Variants in QSOX2 observed in about 807,000 individuals in gnomAD.
The protein encoded by QSOX2 is quiescin sulfhydryl oxidase 2.
A neutral mutation model predicts 61.7 loss-of-function variants in QSOX2; 46 were observed. The observed-to-expected ratio is 0.75, with a 90% CI of 0.59 to 0.95. The LOEUF (loss-of-function observed/expected upper bound fraction) is 0.95. Among genes scored for constraint, QSOX2 ranks in the 40% least tolerant of loss-of-function variants. The probability of loss-of-function intolerance (pLI) is 0.00; values close to 1 mark genes in which losing one functional copy is unlikely to be tolerated. For synonymous variants in QSOX2, 383 were observed against 388.4 expected, an observed-to-expected ratio of 0.99 and a Z score of 0.16; for missense variants, 879 against 918.9, an observed-to-expected ratio of 0.96 and a Z score of 0.56.
At chr9:136,234,328 G>T (rs757933140) in intron 1 of QSOX2, among the ~76,000 whole-genome samples, 2 of 152,148 alleles carry the variant, frequency 1.3e-5, no homozygotes, top group Non-Finnish European at 2.9e-5. Context: ...TTGGGGAGTC[G>T]CAGGTTATAT....
At chr9:136,227,143 C>T (rs921387216) in intron 1 of QSOX2, among the ~76,000 whole-genome samples, 2 of 152,238 alleles carry the variant, frequency 1.3e-5, no homozygotes, top group African/African-American at 4.8e-5. Flanking sequence ...AGGGACAAGG[C>T]TGTGGGCCCC....
chr9:136,220,939 C>T (rs1831973702), intron 6 of QSOX2, among the ~76,000 whole-genome samples: 1 of 152,212 alleles, frequency 6.6e-6, no homozygotes, highest in South Asian at 2.1e-4. Flanking sequence ...AACTCCTAGA[C>T]TCAAATGATT....
intron 3 of QSOX2, 104 bp downstream of exon 3, chr9:136,224,757 G>T: frequency 1.6e-6 from 1 of 608,432 alleles, no homozygotes; most frequent in East Asian, 3.0e-5. Context: ...CAGAGGGAAA[G>T]GTGCTGACCC....
In QSOX2 at chr9:136,208,755, C is replaced by A; in HGVS notation, c.2070G>T (p.Lys690Asn). The A allele has an allele frequency of 1.2e-6, 2 of 1,612,108 alleles. No individual in the cohort carries two copies. The highest frequency in any genetic ancestry group is 1.1e-5 in the South Asian group (1 of 91,000). ...ACACGGCCGGGTGGTGGTGCTTGAC[C>A]TTCCACCGCCTGGACCTCACCCGGA... Reference protein sequence around the residue: ...FFFRVRSRRWKVKHHHPAV With the variant: ...FFFRVRSRRWNVKHHHPAV Residue 690 changes from lysine to asparagine, a missense_variant, in exon 12 of 12, where the codon AAG becomes AAT. Coordinates refer to ENST00000358701, the MANE Select transcript of QSOX2 (RefSeq NM_181701.4).
chr9:136,245,734 G>A lies in QSOX2; in HGVS notation c.70C>T (p.Arg24Cys). 5 of 1,145,090 alleles carry A rather than the reference G, an allele frequency of 4.4e-6. No individual in the cohort carries two copies. The highest frequency in any genetic ancestry group is 4.2e-5 in the East Asian group (1 of 23,834). 70.9% of individuals were successfully genotyped at this position (1,145,090 alleles called of 1,614,324 possible). Residue 24 changes from arginine to cysteine, a missense_variant, in exon 1 of 12, where the codon CGC (arginine) becomes TGC (cysteine). Transcript: ENST00000358701. ...IGAGPALRAR[R>C]SPPPRAARLP... ...CGTGCGGCCCGCGGCGGGGGCGAGC[G>A]CCGGGCTCTCAGCGCAGGTCCCGCT... is the stretch of plus-strand genomic sequence containing the variant.
Position 136,223,814 on chromosome 9 carries a change from G to C in QSOX2, c.624C>G (p.Ser208Arg). The change falls in exon 5 of 12, where the codon AGC becomes AGG. Residue 208 changes from serine to arginine, a missense_variant. Physicochemically the swap from Ser to Arg is moderately radical, Grantham distance 110. Coordinates refer to ENST00000358701, the MANE Select transcript of QSOX2 (RefSeq NM_181701.4). The surrounding 1 kb of genome is among the most constrained non-coding windows in gnomAD (Gnocchi z 4.4). The part of the protein sequence containing the change: ...DVLSLLDNRG[S>R]HYVAIVFESN... ...TTTCAAAGACAATAGCCACGTAATG[G>C]CTGCCACGGTTGTCAAGAAGGGAAA... 2 of 1,614,096 alleles carry C rather than the reference G, an allele frequency of 1.2e-6. No homozygotes were observed. Among genetic ancestry groups the C allele is most frequent in the Non-Finnish European group, 1.7e-6 (2 of 1,180,036 alleles).
intron 1 of QSOX2, 95 bp downstream of exon 1, chr9:136,245,381 G>T: frequency 9.5e-7 from 1 of 1,051,504 alleles, no homozygotes; most frequent in Non-Finnish European, 1.3e-6. Flanking sequence ...TACGGGGGAG[G>T]GGCCCCGGGA....
chr9:136,234,252 T>C (rs773513506), intron 1 of QSOX2, among the ~76,000 whole-genome samples: 1 of 152,244 alleles, frequency 6.6e-6, no homozygotes, highest in Non-Finnish European at 1.5e-5. Context: ...ACACACAAAG[T>C]TTGTGTCAAT....
Position 136,223,111 on chromosome 9 carries a change from G to T in QSOX2, c.675+652C>A, listed in dbSNP as rs554485269. On this transcript the variant is annotated intron_variant, in intron 5 of 11. Coordinates refer to ENST00000358701, the MANE Select transcript of QSOX2 (RefSeq NM_181701.4). This position sits in a 1 kb window ranked among gnomAD's most constrained non-coding sequence, Gnocchi z 4.4. The stretch of plus-strand genomic sequence containing the variant: ...AGCTGTTTCCTACATTCACCGCAAG[G>T]CCCCTCACAGTGGACAGAAAAACAG... Among the ~76,000 whole-genome samples, 3 of 152,216 alleles carry T rather than the reference G, an allele frequency of 2.0e-5. No homozygotes were observed. Among genetic ancestry groups the T allele is most frequent in the Admixed American group, 1.3e-4 (2 of 15,286 alleles).
intron 1 of QSOX2, among the ~76,000 whole-genome samples, chr9:136,242,096 T>G (rs1830437948): frequency 6.6e-6 from 1 of 152,258 alleles, no homozygotes; most frequent in African/African-American, 2.4e-5. Context: ...TGCAAAGTAC[T>G]TAGAAGTGAC....
chr9:136,216,715 G>A lies in QSOX2; in HGVS notation c.1094C>T (p.Pro365Leu). The A allele has an allele frequency of 6.2e-7, 1 of 1,613,492 alleles. No individual in the cohort carries two copies. Among genetic ancestry groups the A allele is most frequent in the Admixed American group, 1.7e-5 (1 of 60,010 alleles). Residue 365 changes from proline (P) to leucine (L), a missense_variant, in exon 9 of 12, where the codon CCT (proline) becomes CTT (leucine). Physicochemically the swap from Pro to Leu is moderately conservative, Grantham distance 98 (BLOSUM62 -3). Coordinates refer to ENST00000358701, the MANE Select transcript of QSOX2 (RefSeq NM_181701.4). ...DFVTVLAKLF[P>L]GRPPVKKLLE... ...CAGCTTCTTGACTGGCGGCCGTCCA[G>A]GGAACAGCTGCATGAGGAAGGAGCC... is the stretch of plus-strand genomic sequence containing the variant.
At chr9:136,226,926 A>G (rs1830287903) in intron 1 of QSOX2, 52 bp from the exon 2 acceptor site, 2 of 1,527,326 alleles carry the variant, frequency 1.3e-6, no homozygotes, top group East Asian at 2.3e-5. Context: ...ACTCCCGGGA[A>G]GCCCAGGACC....
intron 10 of QSOX2, 145 bp downstream of exon 10, chr9:136,215,009 G>C: frequency 3.2e-6 from 3 of 949,442 alleles, no homozygotes; most frequent in Non-Finnish European, 4.5e-6. Flanking sequence ...GACCGTGTGA[G>C]AGGAGTCTGA....
intron 1 of QSOX2, among the ~76,000 whole-genome samples, chr9:136,234,104 C>G (rs764692554): frequency 7.9e-5 from 12 of 151,498 alleles, no homozygotes; most frequent in Non-Finnish European, 1.6e-4. Context: ...GAGGCTCCAC[C>G]TGGGGCAGCC....
rs576750943 is a variant in QSOX2, at chr9:136,234,946, G to A, written c.329-8072C>T. On this transcript the variant is annotated intron_variant, in intron 1 of 11. Transcript: ENST00000358701. ...GACCCCCGCTCCCTTTACCGGGCTCGTTCCTATTTGCCTTCCAGGTCTCCA... is the reference window on the plus strand; with the variant it reads ...GACCCCCGCTCCCTTTACCGGGCTCATTCCTATTTGCCTTCCAGGTCTCCA... Among the ~76,000 whole-genome samples the A allele has an allele frequency of 4.6e-5, 7 of 151,934 alleles. 1 individual carries two copies. The South Asian group carries it at 6.2e-4, about 14-fold the overall frequency.
chr9:136,218,981 G>T (rs576312795), intron 7 of QSOX2, 49 bp downstream of exon 7: 3 of 1,605,266 alleles, frequency 1.9e-6, no homozygotes, highest in South Asian at 1.1e-5. Context: ...CGCAGCCTTC[G>T]GTCTACACGC....
In QSOX2 at chr9:136,224,010, A is replaced by G. The variant is rs533266603; in HGVS notation, c.581T>C (p.Ile194Thr). ...RPPACPRLDP[I>T]QPSDVLSLLD... ...CCTTCTTCATGGAGCTACTCACTGA[A>G]TGGGGTCTAGGCGCGGGCAGGCAGG... The change falls in exon 4 of 12, where the codon ATT becomes ACT. Residue 194 changes from isoleucine to threonine, a missense_variant. Transcript: ENST00000358701. 1 of 1,613,364 alleles carries G rather than the reference A, an allele frequency of 6.2e-7. No homozygotes were observed. Among genetic ancestry groups the G allele is most frequent in the Non-Finnish European group, 8.5e-7 (1 of 1,179,494 alleles).
chr9:136,216,633 G>A lies in QSOX2; in HGVS notation c.1176C>T (p.Asn392=), dbSNP rs140980912. ...ASLPLDRIPY[N]AVLDLVNNKM... is the part of the protein sequence containing the mutation. ...TGTTGTTGACCAGGTCAAGCACGGC[G>A]TTGTAGGGGATCCTGTCCAGGGGAA... The change falls in exon 9 of 12, where the codon AAC becomes AAT. Residue 392 remains asparagine, a synonymous_variant. Transcript: ENST00000358701. 4.5e-5 allele frequency: 72 copies of A among 1,613,802 alleles called. 1 individual carries two copies. Among genetic ancestry groups the A allele is most frequent in the South Asian group, 3.5e-4 (32 of 91,094 alleles).
chr9:136,219,518 C>T (rs1831956374), intron 6 of QSOX2, among the ~76,000 whole-genome samples: 1 of 152,224 alleles, frequency 6.6e-6, no homozygotes, highest in South Asian at 2.1e-4. Context: ...AGAGCCTTCA[C>T]CGACGCGCCC....
Sources: allele counts gnomAD v4.1 joint callset (sites outside exome capture counted in the v4.1 genomes callset), GRCh38; gene constraint gnomAD v4.1.1; non-coding constraint Gnocchi (gnomAD v3.1); transcripts MANE v1.5; gene names NCBI Gene and HGNC (gene_info 2026-07-23, HGNC 2026-07-21).